Variants in YES1 observed in about 807,000 individuals in gnomAD.
The protein encoded by YES1 is YES proto-oncogene 1, Src family tyrosine kinase, also known as tyrosine-protein kinase Yes.
In YES1, 39 loss-of-function variants were observed where a neutral mutation model predicts 70.4. The ratio of observed to expected loss-of-function variants is 0.55; its 90% CI spans 0.43 to 0.72. The LOEUF is 0.72. Ranked by LOEUF, YES1 falls within the 30% of genes least tolerant of loss-of-function variation. The probability of loss-of-function intolerance (pLI) is 0.00; values close to 1 mark genes in which losing one functional copy is unlikely to be tolerated. For synonymous variants in YES1, 198 were observed against 218.6 expected (o/e 0.91, Z 0.83); for missense variants, 495 against 644.8 (o/e 0.77, Z 2.52).
At position 734,686 on chromosome 18, in the gene YES1, T is replaced by TA. The variant is rs1288538575; in HGVS notation, c.1292-1722dup. Among the ~76,000 whole-genome samples, 1,286 of 139,180 alleles carry TA rather than the reference T, an allele frequency of 9.2e-3. 14 individuals are homozygous for TA. The highest frequency in any genetic ancestry group is 0.029 in the African/African-American group (1,106 of 37,878). 91.3% of individuals were successfully genotyped at this position (139,180 alleles called of 152,430 possible). ...TGTAAGAATGGCCATAATGAATAAG[T>TA]AAAAAAAAAAAACAATAGATGTTGG... On this transcript the variant is annotated intron_variant, in intron 10 of 11. Coordinates refer to ENST00000314574, the MANE Select transcript of YES1 (RefSeq NM_005433.4).
rs1568199587 is a variant in YES1, at chr18:756,801, G to C, written c.27C>G (p.Asn9Lys). MGCIKSKE[N>K]KSPAIKYRPE... The stretch of plus-strand genomic sequence containing the variant: ...GTCTGTATTTAATGGCTGGACTTTT[G>C]TTTTCTTTACTTTTAATGCAGCCCA... The change falls in exon 2 of 12, where the codon AAC becomes AAG. Residue 9 changes from asparagine (N) to lysine (K), a missense_variant. Around this residue, in one of 2 missense-constraint regions of YES1, gnomAD observed 110 missense variants for 104.0 expected, o/e 1.06. Transcript: ENST00000314574. The C allele has an allele frequency of 1.9e-6, 3 of 1,613,808 alleles. No homozygotes were observed. Among genetic ancestry groups the C allele is most frequent in the South Asian group, 1.1e-5 (1 of 91,070 alleles).
intron 8 of YES1, among the ~76,000 whole-genome samples, chr18:741,818 C>A (rs1396054269): frequency 6.6e-6 from 1 of 152,094 alleles, no homozygotes; most frequent in African/African-American, 2.4e-5. Context: ...AAACAACAAA[C>A]AAACAAGCAA....
intron 1 of YES1, among the ~76,000 whole-genome samples, chr18:790,226 A>T (rs1262272423): frequency 6.6e-6 from 1 of 151,930 alleles, no homozygotes; most frequent in African/African-American, 2.4e-5. Flanking sequence ...AAATACAAAA[A>T]TTAGCCAGGC....
In YES1 at chr18:800,857, A is replaced by T. The variant is rs146073176; in HGVS notation, c.-9+11257T>A. Among the ~76,000 whole-genome samples the T allele has an allele frequency of 5.3e-4, 81 of 152,230 alleles. 1 individual carries two copies. Among genetic ancestry groups the T allele is most frequent in the African/African-American group, 1.5e-3 (61 of 41,546 alleles). ...GCTCGGCCCCATCTCTGGAAAAAAT[A>T]AAAACAAAGGCTGGGTGTGGTGGCT... On this transcript the variant is annotated intron_variant, in intron 1 of 11. Coordinates refer to ENST00000314574, the MANE Select transcript of YES1 (RefSeq NM_005433.4).
chr18:734,450 T>C (rs2080128640), intron 10 of YES1, among the ~76,000 whole-genome samples: 1 of 147,604 alleles, frequency 6.8e-6, no homozygotes, highest in Non-Finnish European at 1.5e-5. Flanking sequence ...TCCCAGCTAC[T>C]CGGGAGGCTT....
intron 1 of YES1, among the ~76,000 whole-genome samples, chr18:811,635 A>C (rs1907385289): frequency 6.6e-6 from 1 of 152,076 alleles, no homozygotes; most frequent in South Asian, 2.1e-4. Flanking sequence ...TAAAGCCAGA[A>C]AGGCTCATCC....
chr18:754,356 C>T (rs1048759620), intron 2 of YES1, among the ~76,000 whole-genome samples: 1 of 152,126 alleles, frequency 6.6e-6, no homozygotes, highest in Admixed American at 6.6e-5. Flanking sequence ...GTTATTTCCT[C>T]TCTCTAGAAA....
intron 9 of YES1, chr18:738,335 T>TA (rs1400102666): frequency 6.6e-6 from 1 of 151,948 alleles, no homozygotes; most frequent in Non-Finnish European, 1.5e-5. Context: ...GTCAGAAGAG[T>TA]AAAAAAGTCC....
In YES1 at chr18:722,092, A is replaced by G. The variant is rs1011243588; in HGVS notation, c.*2332T>C. 6.6e-6 allele frequency: 1 copy of G among 152,640 alleles called. No individual in the cohort carries two copies. The highest frequency in any genetic ancestry group is 6.5e-5 in the Admixed American group (1 of 15,284). 9.5% of individuals were successfully genotyped at this position (152,640 alleles called of 1,614,324 possible). On this transcript the variant is annotated 3_prime_UTR_variant, in exon 12 of 12. Transcript: ENST00000314574. ...AGTTAAAACCTAATGAATACCATCA[A>G]CTTTTCCTGCCTTACTTTCCTGATT... is the stretch of plus-strand genomic sequence containing the variant.
chr18:782,726 G>A (rs757648763), intron 1 of YES1, among the ~76,000 whole-genome samples: 22 of 151,986 alleles, frequency 1.4e-4, no homozygotes, highest in African/African-American at 9.7e-5. Flanking sequence ...ATAGAGTCTC[G>A]TTCTGTCACC....
intron 1 of YES1, among the ~76,000 whole-genome samples, chr18:778,233 A>G (rs2145791935): frequency 6.6e-6 from 1 of 152,358 alleles, no homozygotes; most frequent in African/African-American, 2.4e-5. Flanking sequence ...TCTATACTGC[A>G]TTCTTTCTAC....
intron 1 of YES1, among the ~76,000 whole-genome samples, chr18:764,363 T>C (rs1217724326): frequency 6.6e-6 from 1 of 151,728 alleles, no homozygotes; most frequent in East Asian, 2.0e-4. Flanking sequence ...GCTGGGATTA[T>C]AGGCATGTGC....
At chr18:770,268 CTTT>C (rs11324966) in intron 1 of YES1, among the ~76,000 whole-genome samples, 7 of 140,142 alleles carry the variant, frequency 5.0e-5, no homozygotes, top group African/African-American at 1.3e-4. Context: ...GCCCTTTTAT[CTTT>C]TTTTTTTTTT....
At chr18:777,806 TAAAAAAAAA>T (rs35073440) in intron 1 of YES1, among the ~76,000 whole-genome samples, 1 of 129,280 alleles carries the variant, frequency 7.7e-6, no homozygotes. Context: ...GACTCTGGCT[TAAAAAAAAA>T]AAAAAAAAAA....
rs938972769 is a variant in YES1 at position 809,217 on chromosome 18, CAATT to C, written c.-9+2893_-9+2896del. 3.3e-5 allele frequency among the ~76,000 whole-genome samples: 5 copies of C among 151,994 alleles called. No individual in the cohort carries two copies. The East Asian group carries it at 5.8e-4, about 18-fold the overall frequency. ...TGTGTCTTCTGTGAAAATATTAAAA[CAATT>C]AAGTTATTAAAGAAAACGAACTAGA... On this transcript the variant is annotated intron_variant, in intron 1 of 11. Coordinates refer to ENST00000314574, the MANE Select transcript of YES1 (RefSeq NM_005433.4).
chr18:726,781 C>CAAAAAAAAAAAAAAAAAA (rs58322434), intron 11 of YES1, among the ~76,000 whole-genome samples: 2 of 47,250 alleles, frequency 4.2e-5, no homozygotes, highest in African/African-American at 8.7e-5. Context: ...ACTCTTGTCT[C>CAAAAAAAAAAAAAAAAAA]AAAAAAAAAA....
intron 1 of YES1, among the ~76,000 whole-genome samples, chr18:789,765 T>TAA (rs1173090770): frequency 6.9e-6 from 1 of 144,340 alleles, no homozygotes; most frequent in Non-Finnish European, 1.5e-5. Flanking sequence ...ATTTACAATC[T>TAA]AAAAAAAAAA....
chr18:752,597 A>G (rs2080356057), intron 2 of YES1, among the ~76,000 whole-genome samples: 1 of 152,240 alleles, frequency 6.6e-6, no homozygotes, highest in Admixed American at 6.5e-5. Context: ...TACTAGTTTT[A>G]GCAAAATTAT....
At chr18:771,967 G>A (rs1251459859) in intron 1 of YES1, among the ~76,000 whole-genome samples, 1 of 151,996 alleles carries the variant, frequency 6.6e-6, no homozygotes, top group Non-Finnish European at 1.5e-5. Flanking sequence ...TAAGGAAGAG[G>A]CAAGAATTTC....
Sources: gnomAD v4.1 joint callset for allele counts (sites outside exome capture counted in the v4.1 genomes callset) on GRCh38, gnomAD v4.1.1 for gene constraint, gnomAD v4.1.1 regional missense constraint, MANE v1.5 for transcripts, NCBI Gene and HGNC (gene_info 2026-07-23, HGNC 2026-07-21) for gene names.